Variants in STX7 observed in about 807,000 individuals in gnomAD.
STX7 encodes syntaxin 7, also known as syntaxin-7.
In STX7, 34 loss-of-function variants were observed where a neutral mutation model predicts 39.6. The observed-to-expected ratio is 0.86, with a 90% CI of 0.65 to 1.14. The LOEUF is 1.14. Among genes scored for constraint, STX7 ranks in the 50% most tolerant of loss-of-function variants. STX7 has a pLI of 0.00. For synonymous variants in STX7, 119 were observed against 99.1 expected (o/e 1.20, Z -1.19); for missense variants, 284 against 310.4 (o/e 0.92, Z 0.64).
rs184755779 is a variant in STX7, at chr6:132,455,537, C to T, written c.*5221G>A. 4 of 152,278 alleles carry T rather than the reference C, an allele frequency of 2.6e-5. No individual in the cohort carries two copies. The highest frequency in any genetic ancestry group is 1.9e-4 in the East Asian group (1 of 5,186). 9.4% of individuals were successfully genotyped at this position (152,278 alleles called of 1,614,324 possible). On this transcript the variant is annotated 3_prime_UTR_variant, in exon 10 of 10. Transcript: ENST00000367941. ...ACAAGTAGAGGTGTTGTGCGTGTAA[C>T]GACTGGACAGGAAATCTGGTTTTGC...
chr6:132,469,930 A>AC (rs1562323695), intron 7 of STX7, 21 bp downstream of exon 7: 1 of 1,566,352 alleles, frequency 6.4e-7, no homozygotes, highest in South Asian at 1.2e-5. Context: ...CAGCAGCCCA[A>AC]GTCTACAATG....
At chr6:132,475,748 G>A in intron 2 of STX7, 86 bp from the exon 3 acceptor site, 3 of 781,156 alleles carry the variant, frequency 3.8e-6, no homozygotes, top group South Asian at 2.3e-5. Flanking sequence ...CAAGCAATTG[G>A]GCAGTTGAAA....
In STX7 at chr6:132,475,621, G is replaced by A; in HGVS notation, c.127C>T (p.Gln43Ter). 1 of 1,609,056 alleles carries A rather than the reference G, an allele frequency of 6.2e-7. No homozygotes were observed. Among genetic ancestry groups the A allele is most frequent in the Non-Finnish European group, 8.5e-7 (1 of 1,177,826 alleles). The change falls in exon 3 of 10, where the codon CAA becomes TAA. Residue 43 changes from glutamine to a stop codon, truncating the protein, a stop_gained. Coordinates refer to ENST00000367941, the MANE Select transcript of STX7 (RefSeq NM_003569.3). LOFTEE classifies it high-confidence loss of function. ...QRTLNQLGTP[Q>*]DSPELRQQLQ... is the part of the protein sequence containing the mutation. ...TGTTGCCTCAATTCAGGTGAATCTT[G>A]AGGTGTTCCAAGTTGATTCAGAGTT...
intron 1 of STX7, among the ~76,000 whole-genome samples, chr6:132,509,483 A>C (rs1265077363): frequency 0.017 from 1,950 of 115,472 alleles, 114 homozygotes; most frequent in Admixed American, 0.041. Context: ...ATAACATAAC[A>C]TAACATAACA....
intron 1 of STX7, among the ~76,000 whole-genome samples, chr6:132,508,961 T>C (rs1775773110): frequency 6.6e-6 from 1 of 152,214 alleles, no homozygotes; most frequent in African/African-American, 2.4e-5. Context: ...ATTTTCTCAG[T>C]TAATTCTTAT....
chr6:132,505,762 AAAC>A (rs1460145225), intron 1 of STX7, among the ~76,000 whole-genome samples: 3,136 of 135,956 alleles, frequency 0.023, 112 homozygotes, highest in African/African-American at 0.08. Context: ...AAAAAAAAAA[AAAC>A]ACAGGTTTTG....
rs1451239261 is a variant in STX7, at chr6:132,448,438, T to C, written c.*12320A>G. 1 of 152,210 alleles carries C rather than the reference T, an allele frequency of 6.6e-6. No homozygotes were observed. The highest frequency in any genetic ancestry group is 2.4e-5 in the African/African-American group (1 of 41,440). 9.4% of individuals were successfully genotyped at this position (152,210 alleles called of 1,614,324 possible). Reference sequence around the variant, plus strand: ...AAAAGTGTTTTTAATATACCCTTGATTTTGAAAGATAATTTCACTGGGCAC... The same window carrying C: ...AAAAGTGTTTTTAATATACCCTTGACTTTGAAAGATAATTTCACTGGGCAC... On this transcript the variant is annotated 3_prime_UTR_variant, in exon 10 of 10. Coordinates refer to ENST00000367941, the MANE Select transcript of STX7 (RefSeq NM_003569.3).
At chr6:132,497,456 C>T (rs969311480) in intron 2 of STX7, among the ~76,000 whole-genome samples, 4 of 152,104 alleles carry the variant, frequency 2.6e-5, no homozygotes, top group Admixed American at 2.6e-4. Flanking sequence ...AAGGAATGTT[C>T]TATTTCTTGA....
At chr6:132,489,690 C>T (rs1775228756) in intron 2 of STX7, among the ~76,000 whole-genome samples, 1 of 152,176 alleles carries the variant, frequency 6.6e-6, no homozygotes, top group South Asian at 2.1e-4. Context: ...ACCCGCAAGG[C>T]CCAACTACAC....
chr6:132,484,513 G>A (rs1056902279), intron 2 of STX7, among the ~76,000 whole-genome samples: 28 of 152,124 alleles, frequency 1.8e-4, no homozygotes, highest in Non-Finnish European at 2.8e-4. Flanking sequence ...AGGCTGTGGC[G>A]GCATGGCAGA....
intron 2 of STX7, among the ~76,000 whole-genome samples, chr6:132,503,100 C>T (rs1011120225): frequency 2.6e-5 from 4 of 152,114 alleles, no homozygotes; most frequent in African/African-American, 9.7e-5. Context: ...GGTAGTGCTA[C>T]CTGGTTCCAA....
At chr6:132,469,427 AG>A (rs149983829) in intron 7 of STX7, among the ~76,000 whole-genome samples, 4,371 of 152,316 alleles carry the variant, frequency 0.029, 197 homozygotes, top group African/African-American at 0.097. Context: ...AAAAAGCTGC[AG>A]TAGGAGGGAG....
intron 1 of STX7, among the ~76,000 whole-genome samples, chr6:132,505,412 C>T (rs1193613149): frequency 6.6e-6 from 1 of 152,170 alleles, no homozygotes; most frequent in African/African-American, 2.4e-5. Flanking sequence ...CTCTGGTGCA[C>T]TTTGAATGTG....
Position 132,455,851 on chromosome 6 carries a change from A to T in STX7, c.*4907T>A, listed in dbSNP as rs1003374706. On this transcript the variant is annotated 3_prime_UTR_variant, in exon 10 of 10. Coordinates refer to ENST00000367941, the MANE Select transcript of STX7 (RefSeq NM_003569.3). Reference sequence around the variant, plus strand: ...AATGAGAAAATGGGCCAATAGGAAGATTTTCTTCTTTATTCCTATTTGATT... The same window carrying T: ...AATGAGAAAATGGGCCAATAGGAAGTTTTTCTTCTTTATTCCTATTTGATT... The T allele has an allele frequency of 3.9e-5, 6 of 152,186 alleles. No homozygotes were observed. Among genetic ancestry groups the T allele is most frequent in the African/African-American group, 1.4e-4 (6 of 41,436 alleles). 9.4% of individuals were successfully genotyped at this position (152,186 alleles called of 1,614,324 possible).
intron 2 of STX7, among the ~76,000 whole-genome samples, chr6:132,499,374 C>A (rs537777249): frequency 6.6e-6 from 1 of 152,146 alleles, no homozygotes; most frequent in Non-Finnish European, 1.5e-5. Context: ...CTAGGTGTAG[C>A]CACCTGATCA....
chr6:132,511,691 T>A (rs553038053), intron 1 of STX7, among the ~76,000 whole-genome samples: 107 of 152,342 alleles, frequency 7.0e-4, no homozygotes, highest in Non-Finnish European at 1.4e-3. Flanking sequence ...AGCTCTTTCA[T>A]CACTGACCTT....
chr6:132,476,143 CA>C (rs1443918211), intron 2 of STX7, among the ~76,000 whole-genome samples: 1 of 152,064 alleles, frequency 6.6e-6, no homozygotes, highest in African/African-American at 2.4e-5. Flanking sequence ...ATGCTAAAAT[CA>C]CAGGACATTC....
At chr6:132,510,186 A>C (rs1437841305) in intron 1 of STX7, among the ~76,000 whole-genome samples, 1 of 152,218 alleles carries the variant, frequency 6.6e-6, no homozygotes, top group African/African-American at 2.4e-5. Flanking sequence ...GACTACAATT[A>C]ATTACAATTT....
chr6:132,493,194 G>T (rs889457352), intron 2 of STX7, among the ~76,000 whole-genome samples: 3 of 152,168 alleles, frequency 2.0e-5, no homozygotes, highest in African/African-American at 7.2e-5. Flanking sequence ...AGAAAGAAGA[G>T]TAGGAAAATA....
Sources: allele counts gnomAD v4.1 joint callset (sites outside exome capture counted in the v4.1 genomes callset), GRCh38; gene constraint gnomAD v4.1.1; transcripts MANE v1.5; gene names NCBI Gene and HGNC (gene_info 2026-07-23, HGNC 2026-07-21).